Variants in XG observed in about 807,000 individuals in gnomAD.
The protein encoded by XG is glycoprotein Xg.
Under a neutral mutation model 25.7 loss-of-function variants are expected in XG, and 24 were observed. That is an observed-to-expected ratio of 0.93 (90% CI 0.68 to 1.31). The LOEUF (loss-of-function observed/expected upper bound fraction) is 1.31, where lower values mean the gene tolerates loss of function less well. Among genes scored for constraint, XG ranks in the 40% most tolerant of loss-of-function variants. The pLI, the probability that XG is intolerant of heterozygous loss-of-function variation, is 0.00. For missense variants in XG, 181 were observed against 187.6 expected (o/e 0.96, Z 0.21); for synonymous variants, 77 against 69.2 (o/e 1.11, Z -0.56).
intron 1 of XG, among the ~76,000 whole-genome samples, chrX:2,770,015 GTGGAGGGGT>G (rs2050778776): frequency 2.8e-5 from 4 of 140,580 alleles, no homozygotes; most frequent in Non-Finnish European, 6.3e-5. Flanking sequence ...CTGTGCGTGT[GTGGAGGGGT>G]GGGGGGGGCG....
chrX:2,799,597 A>G (rs1477403317), intron 7 of XG, among the ~76,000 whole-genome samples: 2 of 111,404 alleles, frequency 1.8e-5, no homozygotes, highest in African/African-American at 6.5e-5. Context: ...GCAATCACAT[A>G]TGATTTGTGT....
intron 3 of XG, among the ~76,000 whole-genome samples, chrX:2,780,717 C>CAA (rs768428145): frequency 2.1e-4 from 26 of 121,588 alleles, no homozygotes; most frequent in African/African-American, 8.0e-4. Context: ...GACTCTGTCT[C>CAA]AAAAAAAAAA....
intron 4 of XG, among the ~76,000 whole-genome samples, 153 bp downstream of exon 4, chrX:2,782,281 A>C (rs2086737326): frequency 8.9e-6 from 1 of 112,586 alleles, no homozygotes; most frequent in African/African-American, 3.2e-5. Flanking sequence ...GGGGGGAGCA[A>C]GAAAGTCCAA....
rs776905707 is a variant in XG at position 2,762,727 on chromosome X, C to T, written c.62-7823C>T. On this transcript the variant is annotated intron_variant, in intron 1 of 10. Coordinates refer to ENST00000644266, the MANE Select transcript of XG (RefSeq NM_001141919.2). ...CCTTCCTTGTCACTTTCTGTTGCAA[C>T]CTACGGTCCTAACCTAGTCATATGA... is the stretch of plus-strand genomic sequence containing the variant. Among the ~76,000 whole-genome samples the T allele has an allele frequency of 2.0e-5, 3 of 152,336 alleles. No homozygotes were observed. In the East Asian group the frequency reaches 5.8e-4, roughly 29 times the overall value.
intron 2 of XG, among the ~76,000 whole-genome samples, chrX:2,774,179 T>C (rs1201077891): frequency 6.6e-6 from 1 of 152,124 alleles, no homozygotes; most frequent in East Asian, 1.9e-4. Context: ...TTGAGCCATC[T>C]TCCTCAAACC....
At chrX:2,775,753 C>T (rs1392428537) in intron 3 of XG, among the ~76,000 whole-genome samples, 5 of 151,186 alleles carry the variant, frequency 3.3e-5, no homozygotes, top group South Asian at 4.2e-4. Context: ...GTCAGGGGTT[C>T]GAGACCAACC....
intron 4 of XG, among the ~76,000 whole-genome samples, chrX:2,784,624 A>G (rs1272849016): frequency 1.8e-5 from 2 of 110,884 alleles, no homozygotes; most frequent in Non-Finnish European, 3.8e-5. Flanking sequence ...GAGATCCTTT[A>G]AGATGGGCCA....
At chrX:2,773,503 GA>G (rs2050880984) in intron 2 of XG, among the ~76,000 whole-genome samples, 4 of 140,886 alleles carry the variant, frequency 2.8e-5, no homozygotes, top group South Asian at 2.3e-4. Flanking sequence ...AGGAAGGAGA[GA>G]AGGAAGGAAG....
At chrX:2,803,548 G>A (rs1469645322) in intron 7 of XG, among the ~76,000 whole-genome samples, 1 of 109,929 alleles carries the variant, frequency 9.1e-6, no homozygotes, top group Non-Finnish European at 1.9e-5. Context: ...TTGGCGGGTA[G>A]GGGCTTGGGA....
chrX:2,771,014 TTTTTTTC>T (rs1426764691), intron 2 of XG, among the ~76,000 whole-genome samples: 18 of 151,964 alleles, frequency 1.2e-4, no homozygotes, highest in Non-Finnish European at 2.1e-4. Context: ...GCCAAGCTAA[TTTTTTTC>T]TTTTTTCTTT....
intron 3 of XG, among the ~76,000 whole-genome samples, chrX:2,779,122 CT>C (rs756086057): frequency 2.6e-4 from 38 of 148,950 alleles, no homozygotes; most frequent in Admixed American, 1.8e-3. Context: ...TAAAAGAAAA[CT>C]TTTTTTTTTG....
At chrX:2,764,278 C>T (rs781718903) in intron 1 of XG, among the ~76,000 whole-genome samples, 1 of 152,264 alleles carries the variant, frequency 6.6e-6, no homozygotes, top group Admixed American at 6.5e-5. Flanking sequence ...AAATGGGCAA[C>T]CAGTGGCCCT....
chrX:2,794,581 G>C lies in XG; in HGVS notation c.300G>C (p.Arg100Ser). The change falls in exon 6 of 11, where the codon AGG becomes AGC. Residue 100 changes from arginine to serine, a missense_variant. By Grantham distance (110) the Arg-to-Ser change is moderately radical. Coordinates refer to ENST00000644266, the MANE Select transcript of XG (RefSeq NM_001141919.2). Reference sequence around the variant, plus strand: ...GTGATGACGGACGCTACCCGCCCAGGCCCAGGCCACGGCCGCCTGCAGGTA... The same window carrying C: ...GTGATGACGGACGCTACCCGCCCAGCCCCAGGCCACGGCCGCCTGCAGGTA... ...VDRDDGRYPP[R>S]PRPRPPAGGG... 8.3e-7 allele frequency: 1 copy of C among 1,211,604 alleles called. No individual in the cohort carries two copies. The highest frequency in any genetic ancestry group is 1.1e-6 in the Non-Finnish European group (1 of 895,368).
chrX:2,790,607 A>T (rs1263312039), intron 5 of XG, among the ~76,000 whole-genome samples: 1 of 111,085 alleles, frequency 9.0e-6, no homozygotes, highest in Non-Finnish European at 1.9e-5. Context: ...GTTTGAAACC[A>T]GCGGCCAACA....
rs183797758 is a variant in XG, at chrX:2,766,216, C to T, written c.62-4334C>T. Among the ~76,000 whole-genome samples the T allele has an allele frequency of 3.8e-3, 579 of 152,320 alleles. 1 individual carries two copies. The highest frequency in any genetic ancestry group is 0.027 in the Middle Eastern group (8 of 294). Reference sequence around the variant, plus strand: ...AGTGCAGTGGCACAGTCTTGGCTCACTGCAATCTCCACCTCCCAGGTTCAA... The same window carrying T: ...AGTGCAGTGGCACAGTCTTGGCTCATTGCAATCTCCACCTCCCAGGTTCAA... On this transcript the variant is annotated intron_variant, in intron 1 of 10. Transcript: ENST00000644266.
At chrX:2,765,175 A>G (rs1443213325) in intron 1 of XG, among the ~76,000 whole-genome samples, 2 of 151,482 alleles carry the variant, frequency 1.3e-5, no homozygotes, top group South Asian at 2.1e-4. Flanking sequence ...GTGAAACCCC[A>G]TCTCTACTAA....
chrX:2,772,887 C>G (rs1023125599), intron 2 of XG, among the ~76,000 whole-genome samples: 3 of 152,180 alleles, frequency 2.0e-5, no homozygotes, highest in Admixed American at 2.0e-4. Flanking sequence ...CATCCACAGC[C>G]CTTCCTCATG....
intron 3 of XG, among the ~76,000 whole-genome samples, chrX:2,775,389 A>G (rs2050954755): frequency 6.6e-6 from 1 of 152,214 alleles, no homozygotes; most frequent in African/African-American, 2.4e-5. Flanking sequence ...ATGATCACAT[A>G]ATGTATATTT....
At chrX:2,762,857 T>C (rs886496958) in intron 1 of XG, among the ~76,000 whole-genome samples, 8 of 152,046 alleles carry the variant, frequency 5.3e-5, no homozygotes, top group Admixed American at 4.6e-4. Context: ...AGCATGGAAA[T>C]AAAGGAAAAC....
Sources: allele counts gnomAD v4.1 joint callset (sites outside exome capture counted in the v4.1 genomes callset), GRCh38; gene constraint gnomAD v4.1.1; transcripts MANE v1.5; gene names NCBI Gene and HGNC (gene_info 2026-07-23, HGNC 2026-07-21).